Variants in IKBIP observed in about 807,000 individuals in gnomAD.
IKBIP encodes inhibitor of nuclear factor kappa-B kinase-interacting protein.
Under a neutral mutation model 31.0 loss-of-function variants are expected in IKBIP, and 28 were observed. The ratio of observed to expected loss-of-function variants is 0.90; its 90% confidence interval spans 0.67 to 1.24. The LOEUF is 1.24. Among genes scored for constraint, IKBIP ranks in the 50% most tolerant of loss-of-function variants. The probability of loss-of-function intolerance (pLI) is 0.00; values close to 1 mark genes in which losing one functional copy is unlikely to be tolerated. For synonymous variants in IKBIP, 164 were observed against 160.3 expected, an observed-to-expected ratio of 1.02 and a Z score of -0.17; for missense variants, 453 against 441.9, an observed-to-expected ratio of 1.03 and a Z score of -0.23.
intron 2 of IKBIP, among the ~76,000 whole-genome samples, chr12:98,618,498 C>A (rs560097903): frequency 6.6e-5 from 10 of 151,766 alleles, no homozygotes; most frequent in Non-Finnish European, 1.0e-4. Context: ...TAGTGGTGGG[C>A]GCCTGTAGTC....
At position 98,637,309 on chromosome 12, in the gene IKBIP, G is replaced by A. The variant is rs145257204; in HGVS notation, c.180-2896C>T. 3.4e-3 allele frequency among the ~76,000 whole-genome samples: 514 copies of A among 152,252 alleles called. 4 individuals are homozygous for A. Among genetic ancestry groups the A allele is most frequent in the African/African-American group, 0.012 (479 of 41,552 alleles). ...AATGAAGTGATATGTGCTGTGCTGC[G>A]TTAAAATATATTTTATTTTTCCCTT... On this transcript the variant is annotated intron_variant, in intron 1 of 2. Coordinates refer to ENST00000299157, the MANE Select transcript of IKBIP (RefSeq NM_153687.4).
chr12:98,623,245 T>C (rs1034437062), downstream of IKBIP, among the ~76,000 whole-genome samples: 2 of 151,036 alleles, frequency 1.3e-5, no homozygotes, highest in African/African-American at 5.0e-5. Context: ...CCCAAAGTGC[T>C]GGGATTACAG....
chr12:98,636,477 G>A (rs2372393), intron 1 of IKBIP, among the ~76,000 whole-genome samples: 1 of 152,204 alleles, frequency 6.6e-6, no homozygotes, highest in Admixed American at 6.5e-5. Flanking sequence ...GTGCATCCTT[G>A]CAAAAGTGGT....
chr12:98,616,339 G>T lies in IKBIP; in HGVS notation c.298-1999C>A, dbSNP rs2097606278. 2.0e-5 allele frequency among the ~76,000 whole-genome samples: 3 copies of T among 150,160 alleles called. No individual in the cohort carries two copies. The Admixed American group carries it at 2.0e-4, about 10-fold the overall frequency. On this transcript the variant is annotated intron_variant, in intron 2 of 2. Coordinates refer to the IKBIP transcript ENST00000342502. ...TGTCCATAGCCCATTGTTTAATTGGGTTTTTTTTTGCTATTGAGTTGAGTT... is the reference window on the plus strand; with the variant it reads ...TGTCCATAGCCCATTGTTTAATTGGTTTTTTTTTTGCTATTGAGTTGAGTT...
chr12:98,627,132 C>A (rs987540438), intron 2 of IKBIP, among the ~76,000 whole-genome samples: 3 of 151,868 alleles, frequency 2.0e-5, no homozygotes, highest in Admixed American at 1.3e-4. Context: ...CTATGCCTAG[C>A]TAATTTTTGT....
At chr12:98,632,512 A>AATATATATGTAT (rs2097621570) in intron 2 of IKBIP, among the ~76,000 whole-genome samples, 1 of 22,792 alleles carries the variant, frequency 4.4e-5, no homozygotes, top group Non-Finnish European at 7.2e-5. Flanking sequence ...AAAAAAAAAA[A>AATATATATGTAT]ATATATATAT....
chr12:98,622,621 G>GT (rs76567553), downstream of IKBIP, among the ~76,000 whole-genome samples: 1,714 of 142,140 alleles, frequency 0.012, 19 homozygotes, highest in African/African-American at 0.036. Flanking sequence ...TACAAAGGAT[G>GT]TTTTTTTTTT....
At position 98,634,383 on chromosome 12, in the gene IKBIP, T is replaced by C; in HGVS notation, c.210A>G (p.Ala70=). ...GTAACTGGTATTGGTTTTCCACCTT[T>C]GCAAATTTTTCTGACTGCTGAAATA... ...WFVFQQSEKF[A]KVENQYQLLK... The change falls in exon 2 of 3, where the codon GCA becomes GCG. Residue 70 remains alanine, a synonymous_variant. Transcript: ENST00000299157. 1 of 1,600,444 alleles carries C rather than the reference T, an allele frequency of 6.2e-7. No homozygotes were observed. The highest frequency in any genetic ancestry group is 8.6e-7 in the Non-Finnish European group (1 of 1,169,146).
chr12:98,623,594 G>A (rs1488924852), downstream of IKBIP, among the ~76,000 whole-genome samples: 1 of 122,794 alleles, frequency 8.1e-6, no homozygotes, highest in Non-Finnish European at 1.6e-5. Context: ...TTGTAGGGAC[G>A]AGGTCTCACT....
chr12:98,638,040 T>C (rs2097627374), intron 1 of IKBIP, among the ~76,000 whole-genome samples: 1 of 152,198 alleles, frequency 6.6e-6, no homozygotes, highest in South Asian at 2.1e-4. Context: ...GCAATTAGGG[T>C]CTGCTAAAGG....
intron 1 of IKBIP, among the ~76,000 whole-genome samples, chr12:98,636,171 C>T (rs1307424890): frequency 1.3e-5 from 2 of 152,212 alleles, no homozygotes; most frequent in Non-Finnish European, 2.9e-5. Flanking sequence ...TGCCTAAACA[C>T]AGTCCTGAGA....
chr12:98,635,004 C>T (rs1010086723), intron 1 of IKBIP, among the ~76,000 whole-genome samples: 8 of 149,722 alleles, frequency 5.3e-5, no homozygotes, highest in South Asian at 2.1e-4. Context: ...CCACCACGCC[C>T]GGTATTTTTT....
Position 98,625,984 on chromosome 12 carries a change from C to A in IKBIP, c.1080G>T (p.Lys360Asn). 1 of 1,474,730 alleles carries A rather than the reference C, an allele frequency of 6.8e-7. No homozygotes were observed. Among genetic ancestry groups the A allele is most frequent in the South Asian group, 1.4e-5 (1 of 71,852 alleles). The allele number at this position is 1,474,730 out of a possible 1,614,324, so 91.4% of individuals were successfully genotyped here. Residue 360 changes from lysine (K) to asparagine (N), a missense_variant, in exon 3 of 3, where the codon AAG becomes AAT. Coordinates refer to ENST00000299157, the MANE Select transcript of IKBIP (RefSeq NM_153687.4). ...CTATATTATATTCTTTTAAAGTTCC[C>A]TTTTCTCCTGTACTTGAGTATGCTA... ...DFIAYSSTGEKGTLKEYNIEN... is the reference protein window; with the variant it reads ...DFIAYSSTGENGTLKEYNIEN...
At chr12:98,637,686 C>T (rs1421846919) in intron 1 of IKBIP, among the ~76,000 whole-genome samples, 2 of 151,990 alleles carry the variant, frequency 1.3e-5, no homozygotes, top group African/African-American at 4.8e-5. Context: ...GGATTACAGG[C>T]GTGAGCCACC....
chr12:98,626,007 C>A lies in IKBIP; in HGVS notation c.1057G>T (p.Ala353Ser). 2 of 1,545,116 alleles carry A rather than the reference C, an allele frequency of 1.3e-6. No homozygotes were observed. Among genetic ancestry groups the A allele is most frequent in the South Asian group, 1.2e-5 (1 of 81,530 alleles). ...CCCTTTTCTCCTGTACTTGAGTATG[C>A]TATAAAATCATGAACTTTTTCTTTT... ...ILKEKVHDFI[A>S]YSSTGEKGTL... The change falls in exon 3 of 3, where the codon GCA becomes TCA. Residue 353 changes from alanine to serine, a missense_variant. Transcript: ENST00000299157.
chr12:98,614,378 TAGA>T (rs1327573117), intron 2 of IKBIP: 1 of 1,081,946 alleles, frequency 9.2e-7, no homozygotes, highest in Non-Finnish European at 1.3e-6. Context: ...TTAAATGTAT[TAGA>T]AGCTTACCAT....
intron 1 of IKBIP, among the ~76,000 whole-genome samples, chr12:98,638,121 T>A (rs562295830): frequency 1.3e-5 from 2 of 152,216 alleles, no homozygotes; most frequent in South Asian, 4.1e-4. Context: ...ATTTCTAGGA[T>A]CTTGGCCTTT....
In IKBIP at chr12:98,634,387, A is replaced by G; in HGVS notation, c.206T>C (p.Phe69Ser). The change falls in exon 2 of 3, where the codon TTT becomes TCT. Residue 69 changes from phenylalanine to serine, a missense_variant. Coordinates refer to ENST00000299157, the MANE Select transcript of IKBIP (RefSeq NM_153687.4). ...CTGGTATTGGTTTTCCACCTTTGCA[A>G]ATTTTTCTGACTGCTGAAATACAAA... ...AWFVFQQSEK[F>S]AKVENQYQLL... 1 of 1,592,458 alleles carries G rather than the reference A, an allele frequency of 6.3e-7. No individual in the cohort carries two copies. The highest frequency in any genetic ancestry group is 1.3e-5 in the African/African-American group (1 of 74,470).
chr12:98,623,452 C>T (rs1204431185), downstream of IKBIP, among the ~76,000 whole-genome samples: 1 of 150,434 alleles, frequency 6.6e-6, no homozygotes, highest in Non-Finnish European at 1.5e-5. Context: ...ACCATGTTAT[C>T]CAGGCTGGTC....
Sources: gnomAD v4.1 joint callset for allele counts (sites outside exome capture counted in the v4.1 genomes callset) on GRCh38, gnomAD v4.1.1 for gene constraint, MANE v1.5 for transcripts, NCBI Gene and HGNC (gene_info 2026-07-23, HGNC 2026-07-21) for gene names.